LNPEP: variants seen among roughly 807,000 people sequenced by gnomAD.
The protein encoded by LNPEP is leucyl-cystinyl aminopeptidase.
Under a neutral mutation model 120.6 loss-of-function variants are expected in LNPEP, and 64 were observed. That is an observed-to-expected ratio of 0.53 (90% CI 0.43 to 0.65). LNPEP has a LOEUF of 0.65. Among genes scored for constraint, LNPEP ranks in the 30% least tolerant of loss-of-function variants. LNPEP has a pLI of 0.00. For synonymous variants in LNPEP, 435 were observed against 425.4 expected, an observed-to-expected ratio of 1.02 and a Z score of -0.28; for missense variants, 1,057 against 1,200.0, an observed-to-expected ratio of 0.88 and a Z score of 1.76.
chr5:96,983,733 C>T (rs535272987), intron 2 of LNPEP, among the ~76,000 whole-genome samples: 1 of 152,348 alleles, frequency 6.6e-6, no homozygotes, highest in African/African-American at 2.4e-5. Flanking sequence ...AGGCGTGAGC[C>T]ACCTGGCCTG....
At chr5:96,996,824 G>T (rs1326703203) in intron 7 of LNPEP, among the ~76,000 whole-genome samples, 1 of 151,796 alleles carries the variant, frequency 6.6e-6, no homozygotes, top group Non-Finnish European at 1.5e-5. Context: ...ATTTAAAGTT[G>T]CAAAGTCTAA....
At chr5:96,994,239 G>A (rs1790455608) in intron 6 of LNPEP, among the ~76,000 whole-genome samples, 1 of 152,174 alleles carries the variant, frequency 6.6e-6, no homozygotes, top group Non-Finnish European at 1.5e-5. Flanking sequence ...TGTGAAAACT[G>A]AGACTCAGTT....
intron 1 of LNPEP, among the ~76,000 whole-genome samples, chr5:96,946,135 T>G (rs1789181280): frequency 6.6e-6 from 1 of 152,248 alleles, no homozygotes; most frequent in Non-Finnish European, 1.5e-5. Context: ...CCCCTCTTAT[T>G]AGTAGTTTCT....
intron 1 of LNPEP, among the ~76,000 whole-genome samples, chr5:96,966,956 G>C (rs1789741782): frequency 6.6e-6 from 1 of 151,980 alleles, no homozygotes; most frequent in Non-Finnish European, 1.5e-5. Context: ...CAGAAACCTT[G>C]TTTTGCCTTT....
Position 97,033,886 on chromosome 5 carries a change from C to G in LNPEP, c.*5353C>G, listed in dbSNP as rs1248251498. On this transcript the variant is annotated 3_prime_UTR_variant, in exon 18 of 18. Transcript: ENST00000231368. ...ATGGATGTATAACAATCTGTTCTCC[C>G]TTTACCCTTTTAATGTATATGGGCA... 2.0e-5 allele frequency: 3 copies of G among 151,766 alleles called. No individual in the cohort carries two copies. Among genetic ancestry groups the G allele is most frequent in the Non-Finnish European group, 4.4e-5 (3 of 67,982 alleles). 9.4% of individuals were successfully genotyped at this position (151,766 alleles called of 1,614,324 possible). A position where few individuals can be genotyped will look rare whatever the true frequency, so the allele number is the denominator to read the frequency against.
At chr5:96,951,404 G>T (rs533521675) in intron 1 of LNPEP, among the ~76,000 whole-genome samples, 1 of 152,068 alleles carries the variant, frequency 6.6e-6, no homozygotes, top group East Asian at 1.9e-4. Flanking sequence ...GACCACAGGC[G>T]CCCACACCAC....
At position 96,985,198 on chromosome 5, in the gene LNPEP, G is replaced by A. The variant is rs75452273; in HGVS notation, c.979G>A (p.Ala327Thr). 1.2e-4 allele frequency: 200 copies of A among 1,613,558 alleles called. 1 individual carries two copies. The East Asian group carries it at 3.2e-3, about 26-fold the overall frequency. ...IKIIRDEQYT[A>T]LSNMPKKSSV... ...GATCATAAGGGATGAGCAATACACC[G>A]CTTTATCAAATATGCCTAAGGTACT... The change falls in exon 3 of 18, where the codon GCT becomes ACT. Residue 327 changes from alanine (A) to threonine (T), a missense_variant. Transcript: ENST00000231368.
chr5:97,026,664 T>C lies in LNPEP; in HGVS notation c.2771T>C (p.Leu924Pro). 6.2e-7 allele frequency: 1 copy of C among 1,613,252 alleles called. No homozygotes were observed. Among genetic ancestry groups the C allele is most frequent in the Non-Finnish European group, 8.5e-7 (1 of 1,179,174 alleles). ...GGAGATAACTTCCGAACACAGAAGC[T>C]GTCTTTTATCATTAGAACAGTGGGT... ...LNGDNFRTQK[L>P]SFIIRTVGRH... Residue 924 changes from leucine (L) to proline (P), a missense_variant, in exon 16 of 18, where the codon CTG (leucine) becomes CCG (proline). Leu to Pro is a moderately conservative substitution (Grantham distance 98). Transcript: ENST00000231368.
At chr5:96,962,569 CT>C in intron 1 of LNPEP, 1 of 151,892 alleles carries the variant, frequency 6.6e-6, no homozygotes, top group East Asian at 1.9e-4. Context: ...AAGTAACTTG[CT>C]TAAGGCTACA....
chr5:96,978,676 T>G (rs1003342192), intron 1 of LNPEP, among the ~76,000 whole-genome samples: 37 of 152,208 alleles, frequency 2.4e-4, no homozygotes, highest in African/African-American at 8.7e-4. Flanking sequence ...GGACAGAAAT[T>G]CTGGGATTGC....
chr5:96,954,691 T>TAC (rs1265670087), intron 1 of LNPEP, among the ~76,000 whole-genome samples: 1 of 58,138 alleles, frequency 1.7e-5, no homozygotes, highest in Admixed American at 1.5e-4. Context: ...TATACATATA[T>TAC]ACACATATAT....
chr5:96,980,039 C>A (rs928662946), intron 2 of LNPEP, 61 bp downstream of exon 2: 185 of 1,449,176 alleles, frequency 1.3e-4, no homozygotes, highest in Non-Finnish European at 1.6e-4. Context: ...AATATAGATC[C>A]CTTTGTCCAC....
chr5:96,966,353 A>C (rs1789722169), intron 1 of LNPEP, among the ~76,000 whole-genome samples: 1 of 152,022 alleles, frequency 6.6e-6, no homozygotes. Flanking sequence ...TTTAAAAATT[A>C]GCTTAATATG....
At chr5:97,025,471 T>C (rs1791315064) in intron 15 of LNPEP, among the ~76,000 whole-genome samples, 1 of 152,198 alleles carries the variant, frequency 6.6e-6, no homozygotes, top group Admixed American at 6.5e-5. Flanking sequence ...TAGAGAAAAA[T>C]CACTGTTTTT....
intron 1 of LNPEP, among the ~76,000 whole-genome samples, chr5:96,970,932 T>G (rs1789846181): frequency 6.6e-6 from 1 of 152,052 alleles, no homozygotes; most frequent in African/African-American, 2.4e-5. Flanking sequence ...ACCTTTTATT[T>G]TAACATGTAT....
rs990177312 is a variant in LNPEP, at chr5:97,032,897, C to T, written c.*4364C>T. 9 of 152,108 alleles carry T rather than the reference C, an allele frequency of 5.9e-5. No homozygotes were observed. Among genetic ancestry groups the T allele is most frequent in the African/African-American group, 2.2e-4 (9 of 41,412 alleles). The allele number at this position is 152,108 out of a possible 1,614,324, so 9.4% of individuals were successfully genotyped here. The stretch of plus-strand genomic sequence containing the variant: ...CTTGGGGCTGGGGTTGTATATTATT[C>T]TTTCAAGTGTGTATAAATATTGTGC... On this transcript the variant is annotated 3_prime_UTR_variant, in exon 18 of 18. Coordinates refer to ENST00000231368, the MANE Select transcript of LNPEP (RefSeq NM_005575.3).
At chr5:96,998,680 G>A (rs1351076349) in intron 8 of LNPEP, among the ~76,000 whole-genome samples, 1 of 152,172 alleles carries the variant, frequency 6.6e-6, no homozygotes, top group African/African-American at 2.4e-5. Context: ...TCACATTTAT[G>A]TTGTGGGGAG....
intron 4 of LNPEP, among the ~76,000 whole-genome samples, chr5:96,991,787 G>A (rs1790393553): frequency 6.6e-6 from 1 of 152,154 alleles, no homozygotes; most frequent in Non-Finnish European, 1.5e-5. Context: ...TGTTGAATAA[G>A]ATGTCCTTTC....
At chr5:97,012,294 G>T (rs1790950216) in intron 11 of LNPEP, among the ~76,000 whole-genome samples, 1 of 152,048 alleles carries the variant, frequency 6.6e-6, no homozygotes, top group Non-Finnish European at 1.5e-5. Context: ...CAAAAACTTG[G>T]CAAGAAGTAC....
Sources: allele counts gnomAD v4.1 joint callset (sites outside exome capture counted in the v4.1 genomes callset), GRCh38; gene constraint gnomAD v4.1.1; transcripts MANE v1.5; gene names NCBI Gene and HGNC (gene_info 2026-07-23, HGNC 2026-07-21).